The following ZCCHC7 variants were observed in gnomAD, a reference collection of about 807,000 sequenced individuals.
The protein encoded by ZCCHC7 is zinc finger CCHC-type containing 7.
A neutral mutation model predicts 52.0 loss-of-function variants in ZCCHC7; 35 were observed. The observed-to-expected ratio is 0.67, with a 90% CI of 0.51 to 0.89. ZCCHC7 has a LOEUF of 0.89. Among genes scored for constraint, ZCCHC7 ranks in the 40% least tolerant of loss-of-function variants. The pLI is 0.00. For synonymous variants in ZCCHC7, 217 were observed against 221.5 expected, an observed-to-expected ratio of 0.98 and a Z score of 0.18; for missense variants, 574 against 649.1, an observed-to-expected ratio of 0.88 and a Z score of 1.26.
At chr9:37,297,235 G>T (rs1400598454) in intron 2 of ZCCHC7, among the ~76,000 whole-genome samples, 1 of 151,940 alleles carries the variant, frequency 6.6e-6, no homozygotes, top group Non-Finnish European at 1.5e-5. Context: ...AATTATCATG[G>T]TTATTTATTT....
At position 37,351,632 on chromosome 9, in the gene ZCCHC7, C is replaced by G. The variant is rs1359812931; in HGVS notation, c.1083+2180C>G. Reference sequence around the variant, plus strand: ...AAGAAGACTTCTTTTACAGAATTATCATCTCTAGATCTTTTACTGCTCTGT... The same window carrying G: ...AAGAAGACTTCTTTTACAGAATTATGATCTCTAGATCTTTTACTGCTCTGT... On this transcript the variant is annotated intron_variant, in intron 7 of 8. Coordinates refer to ENST00000336755, the MANE Select transcript of ZCCHC7 (RefSeq NM_032226.3). 7.9e-5 allele frequency among the ~76,000 whole-genome samples: 12 copies of G among 152,278 alleles called. No homozygotes were observed. In the South Asian group the frequency reaches 2.3e-3, roughly 29 times the overall value.
intron 2 of ZCCHC7, among the ~76,000 whole-genome samples, chr9:37,279,583 G>A (rs1021317664): frequency 3.3e-5 from 5 of 151,986 alleles, no homozygotes; most frequent in African/African-American, 1.2e-4. Flanking sequence ...ATCTGGCCAG[G>A]TCCAGTGGCT....
chr9:37,158,317 A>G (rs1459412507), intron 2 of ZCCHC7, among the ~76,000 whole-genome samples: 3 of 152,232 alleles, frequency 2.0e-5, no homozygotes, highest in Non-Finnish European at 4.4e-5. Flanking sequence ...AAAGGGTATT[A>G]TATAGACCCA....
In ZCCHC7 at chr9:37,305,832, G is replaced by A. The variant is rs997181575; in HGVS notation, c.951+118G>A. 8.2e-6 allele frequency: 6 copies of A among 735,510 alleles called. No homozygotes were observed. The Admixed American group carries it at 9.0e-5, about 11-fold the overall frequency. The allele number at this position is 735,510 out of a possible 1,614,324, so 45.6% of individuals were successfully genotyped here. A position where few individuals can be genotyped will look rare whatever the true frequency, so the allele number is the denominator to read the frequency against. On this transcript the variant is annotated intron_variant, in intron 5 of 8. Coordinates refer to ENST00000336755, the MANE Select transcript of ZCCHC7 (RefSeq NM_032226.3). ...ACCTAAAGGAATGTTTACTCCGTGA[G>A]ATATATATATATATATATAGTCATG...
Position 37,227,693 on chromosome 9 carries a change from C to T in ZCCHC7, c.611-74495C>T, listed in dbSNP as rs764151429. On this transcript the variant is annotated intron_variant, in intron 2 of 8. Transcript: ENST00000336755. ...AAAAACTTGAAATAACCTGAATGTTCGTCACCTAGTAAACTGATAAGCAAA... is the reference window on the plus strand; with the variant it reads ...AAAAACTTGAAATAACCTGAATGTTTGTCACCTAGTAAACTGATAAGCAAA... Among the ~76,000 whole-genome samples, 31 of 152,270 alleles carry T rather than the reference C, an allele frequency of 2.0e-4. 1 individual carries two copies. The highest frequency in any genetic ancestry group is 2.6e-4 in the Non-Finnish European group (18 of 68,020).
intron 6 of ZCCHC7, among the ~76,000 whole-genome samples, chr9:37,337,414 CCA>C (rs1491374337): frequency 9.2e-5 from 11 of 119,098 alleles, no homozygotes; most frequent in African/African-American, 2.9e-4. Flanking sequence ...CCCCCCCCCC[CCA>C]AAAAAAATGA....
intron 2 of ZCCHC7, among the ~76,000 whole-genome samples, chr9:37,182,173 G>A (rs1382157824): frequency 2.0e-5 from 3 of 152,172 alleles, no homozygotes; most frequent in Non-Finnish European, 4.4e-5. Context: ...CTGCAAGTTC[G>A]AGGCTGGCCT....
chr9:37,243,294 T>C (rs1484742786), intron 2 of ZCCHC7, among the ~76,000 whole-genome samples: 2 of 151,818 alleles, frequency 1.3e-5, no homozygotes, highest in East Asian at 1.9e-4. Context: ...ATTTTAAATA[T>C]TTAGTAAAGC....
chr9:37,270,393 A>G (rs749281601), intron 2 of ZCCHC7, among the ~76,000 whole-genome samples: 7 of 151,942 alleles, frequency 4.6e-5, no homozygotes, highest in Admixed American at 1.3e-4. Flanking sequence ...CTTAGCATTG[A>G]AAAGACCTCC....
intron 2 of ZCCHC7, among the ~76,000 whole-genome samples, chr9:37,152,846 C>T (rs1820605935): frequency 6.6e-6 from 1 of 152,170 alleles, no homozygotes; most frequent in Non-Finnish European, 1.5e-5. Flanking sequence ...AGTCACTATA[C>T]ACAGCCCATA....
intron 2 of ZCCHC7, among the ~76,000 whole-genome samples, chr9:37,136,865 A>G (rs892972688): frequency 5.3e-5 from 8 of 151,912 alleles, no homozygotes; most frequent in East Asian, 1.9e-4. Flanking sequence ...CCTGAGCTCA[A>G]GCTCCCACCT....
chr9:37,199,563 CTT>C (rs1823490460), intron 2 of ZCCHC7, among the ~76,000 whole-genome samples: 1 of 151,906 alleles, frequency 6.6e-6, no homozygotes, highest in South Asian at 2.1e-4. Flanking sequence ...GAACTCCTGA[CTT>C]CAGGTGATCC....
chr9:37,189,769 A>G (rs1442347089), intron 2 of ZCCHC7, among the ~76,000 whole-genome samples: 1 of 152,100 alleles, frequency 6.6e-6, no homozygotes. Context: ...TGTAGTTCCA[A>G]TGCCAGTTTC....
At chr9:37,142,700 T>A (rs139457165) in intron 2 of ZCCHC7, among the ~76,000 whole-genome samples, 1 of 151,920 alleles carries the variant, frequency 6.6e-6, no homozygotes, top group East Asian at 1.9e-4. Context: ...TATAGTTATA[T>A]AGGCTTCATG....
intron 2 of ZCCHC7, among the ~76,000 whole-genome samples, chr9:37,224,948 C>A (rs1381240744): frequency 6.6e-6 from 1 of 152,214 alleles, no homozygotes; most frequent in Non-Finnish European, 1.5e-5. Context: ...CTTAGCAGGG[C>A]TTTCACTGCA....
chr9:37,191,955 C>A (rs2133108442), intron 2 of ZCCHC7, among the ~76,000 whole-genome samples: 1 of 152,272 alleles, frequency 6.6e-6, no homozygotes, highest in Non-Finnish European at 1.5e-5. Context: ...CGCCTAACAG[C>A]AAATAATCCT....
At chr9:37,318,003 C>T (rs182033951) in intron 5 of ZCCHC7, among the ~76,000 whole-genome samples, 24 of 151,772 alleles carry the variant, frequency 1.6e-4, no homozygotes, top group Admixed American at 4.6e-4. Flanking sequence ...AATAATAATA[C>T]CCAATGTTAG....
chr9:37,319,176 T>TCTC (rs1171594679), intron 5 of ZCCHC7, among the ~76,000 whole-genome samples: 1 of 151,546 alleles, frequency 6.6e-6, no homozygotes, highest in African/African-American at 2.4e-5. Flanking sequence ...CATCCTTATT[T>TCTC]CTTTGGTGAA....
At chr9:37,297,913 TGAA>T (rs1324218058) in intron 2 of ZCCHC7, among the ~76,000 whole-genome samples, 3 of 152,184 alleles carry the variant, frequency 2.0e-5, no homozygotes, top group Non-Finnish European at 4.4e-5. Context: ...AAGCTTGGGG[TGAA>T]CTAGCTTCTA....
Sources: gnomAD v4.1 joint callset for allele counts (sites outside exome capture counted in the v4.1 genomes callset) on GRCh38, gnomAD v4.1.1 for gene constraint, MANE v1.5 for transcripts, NCBI Gene and HGNC (gene_info 2026-07-23, HGNC 2026-07-21) for gene names.